Variants in SLC25A46 observed in about 807,000 individuals in gnomAD.
SLC25A46 encodes mitochondrial outer membrane protein SLC25A46.
A neutral mutation model predicts 44.6 loss-of-function variants in SLC25A46; 39 were observed. That is an observed-to-expected ratio of 0.87 (90% CI 0.68 to 1.14). SLC25A46 has a LOEUF of 1.14. Ranked by LOEUF, SLC25A46 falls within the 50% of genes most tolerant of loss-of-function variation. The probability of loss-of-function intolerance (pLI) is 0.00; values close to 1 mark genes in which losing one functional copy is unlikely to be tolerated. For missense variants in SLC25A46, 547 were observed against 522.7 expected, an observed-to-expected ratio of 1.05 and a Z score of -0.45; for synonymous variants, 202 against 185.8, an observed-to-expected ratio of 1.09 and a Z score of -0.71.
At chr5:110,750,735 G>A (rs918759315) in intron 5 of SLC25A46, among the ~76,000 whole-genome samples, 5 of 152,050 alleles carry the variant, frequency 3.3e-5, no homozygotes, top group East Asian at 1.9e-4. Context: ...TTGTAAATCC[G>A]TAGTTGCCTG....
At position 110,761,380 on chromosome 5, in the gene SLC25A46, T is replaced by G. The variant is rs1561609778; in HGVS notation, c.855T>G (p.Phe285Leu). The change falls in exon 8 of 8, where the codon TTT (phenylalanine) becomes TTG (leucine). Residue 285 changes from phenylalanine (F) to leucine (L), a missense_variant. Phe to Leu is a conservative substitution (Grantham distance 22). Coordinates refer to ENST00000355943, the MANE Select transcript of SLC25A46 (RefSeq NM_138773.4). This position sits in a 1 kb window ranked among gnomAD's most constrained non-coding sequence, Gnocchi z 5.3. ...HYIISSVIQK[F>L]VLLILKRKTY... is the part of the protein sequence containing the mutation. ...TCATCAGCTCAGTTATTCAGAAGTT[T>G]GTCCTACTAATTCTAAAGAGAAAGA... 6.2e-7 allele frequency: 1 copy of G among 1,613,802 alleles called. No homozygotes were observed. Among genetic ancestry groups the G allele is most frequent in the East Asian group, 2.2e-5 (1 of 44,866 alleles).
intron 5 of SLC25A46, chr5:110,754,282 T>C (rs1161998372): frequency 6.7e-6 from 1 of 149,906 alleles, no homozygotes; most frequent in African/African-American, 2.4e-5. Context: ...TGGTAGCAAG[T>C]CTTATCTTTA....
chr5:110,761,441 GTGCAGAGTATGT>G lies in SLC25A46; in HGVS notation c.919_930del (p.Gln307_Leu310del). On this transcript the variant is annotated inframe_deletion, in exon 8 of 8. Coordinates refer to ENST00000355943, the MANE Select transcript of SLC25A46 (RefSeq NM_138773.4). This position sits in a 1 kb window ranked among gnomAD's most constrained non-coding sequence, Gnocchi z 5.3. Reference sequence around the variant, plus strand: ...CCACCTAGCTGAGAGCACTAGCCCTGTGCAGAGTATGTTGGATGCTTATTTTCCAGAACTTAT... The same window carrying G: ...CCACCTAGCTGAGAGCACTAGCCCTGTGGATGCTTATTTTCCAGAACTTAT... 6.2e-7 allele frequency: 1 copy of G among 1,613,748 alleles called. No individual in the cohort carries two copies. Among genetic ancestry groups the G allele is most frequent in the Admixed American group, 1.7e-5 (1 of 59,978 alleles).
chr5:110,759,128 C>G (rs973300935), intron 7 of SLC25A46, among the ~76,000 whole-genome samples: 42 of 152,198 alleles, frequency 2.8e-4, no homozygotes, highest in African/African-American at 9.4e-4. Flanking sequence ...GCTCTGTTCT[C>G]ATAGCACTTA....
intron 7 of SLC25A46, among the ~76,000 whole-genome samples, chr5:110,760,592 T>C (rs1265920088): frequency 6.6e-6 from 1 of 152,158 alleles, no homozygotes; most frequent in Non-Finnish European, 1.5e-5. Flanking sequence ...TTCTTTTCTA[T>C]CTATCTATAC....
At chr5:110,760,977 G>A (rs1424697223) in intron 7 of SLC25A46, among the ~76,000 whole-genome samples, 2 of 151,934 alleles carry the variant, frequency 1.3e-5, no homozygotes, top group East Asian at 3.9e-4. Context: ...CATCTCCCCA[G>A]TCTCCCTACC....
At chr5:110,754,096 A>T (rs17132339) in intron 5 of SLC25A46, 22,758 of 152,058 alleles carry the variant, frequency 0.15, 2,193 homozygotes, top group African/African-American at 0.26. Flanking sequence ...TCGGCCCAGA[A>T]GGTGCTCTAA....
intron 6 of SLC25A46, chr5:110,756,021 T>G (rs1371684024): frequency 6.6e-6 from 1 of 152,268 alleles, no homozygotes; most frequent in Non-Finnish European, 1.5e-5. Flanking sequence ...TCCCCCAGCT[T>G]GCTGGCTCCC....
chr5:110,756,591 G>C lies in SLC25A46; in HGVS notation c.621-111G>C, dbSNP rs1800118940. On this transcript the variant is annotated intron_variant, in intron 6 of 7. Coordinates refer to ENST00000355943, the MANE Select transcript of SLC25A46 (RefSeq NM_138773.4). ...TATTAATAGTTGAAAACCTTAAAAA[G>C]ATTATTCTAGCTTGACTATAAATTA... is the stretch of plus-strand genomic sequence containing the variant. 3 of 663,494 alleles carry C rather than the reference G, an allele frequency of 4.5e-6. No individual in the cohort carries two copies. The Admixed American group carries it at 1.0e-4, about 23-fold the overall frequency. The allele number at this position is 663,494 out of a possible 1,614,324, so 41.1% of individuals were successfully genotyped here.
Position 110,764,971 on chromosome 5 carries a change from A to G in SLC25A46, c.*3189A>G, listed in dbSNP as rs1412484640. ...TCTTACTCTTGAGTCATTTAGTATCATTGATATGGTACCAAGTTGTATAGC... is the reference window on the plus strand; with the variant it reads ...TCTTACTCTTGAGTCATTTAGTATCGTTGATATGGTACCAAGTTGTATAGC... On this transcript the variant is annotated 3_prime_UTR_variant, in exon 8 of 8. Transcript: ENST00000355943. The G allele has an allele frequency of 2.0e-5, 3 of 151,862 alleles. No individual in the cohort carries two copies. In the East Asian group the frequency reaches 5.8e-4, roughly 29 times the overall value. The allele number at this position is 151,862 out of a possible 1,614,324, so 9.4% of individuals were successfully genotyped here.
chr5:110,739,125 T>A lies in SLC25A46; in HGVS notation c.6T>A (p.His2Gln). ...GTCATCCTGCCCCCGCTGCGATGCA[T>A]CCGCGGCGCCCGGACGGATTTGATG... M[H>Q]PRRPDGFDGL... Residue 2 changes from histidine (H) to glutamine (Q), a missense_variant, in exon 1 of 8, where the codon CAT becomes CAA. By Grantham distance (24) the His-to-Gln change is conservative. Coordinates refer to ENST00000355943, the MANE Select transcript of SLC25A46 (RefSeq NM_138773.4). 2 of 1,547,320 alleles carry A rather than the reference T, an allele frequency of 1.3e-6. No individual in the cohort carries two copies. The highest frequency in any genetic ancestry group is 2.7e-5 in the African/African-American group (2 of 73,028).
At position 110,742,091 on chromosome 5, in the gene SLC25A46, T is replaced by C; in HGVS notation, c.326+2T>C. 1 of 1,563,022 alleles carries C rather than the reference T, an allele frequency of 6.4e-7. No individual in the cohort carries two copies. Among genetic ancestry groups the C allele is most frequent in the East Asian group, 2.3e-5 (1 of 43,016 alleles). On this transcript the variant is annotated splice_donor_variant, in intron 2 of 7. Coordinates refer to ENST00000355943, the MANE Select transcript of SLC25A46 (RefSeq NM_138773.4). LOFTEE classifies it high-confidence loss of function. Reference sequence around the variant, plus strand: ...TGGATTTGGTATTGGACTTGCAAGGTAATGTTTTATCTAAAGACGTTTACA... The same window carrying C: ...TGGATTTGGTATTGGACTTGCAAGGCAATGTTTTATCTAAAGACGTTTACA...
In SLC25A46 at chr5:110,755,645, AC is replaced by A. The variant is rs1277123336; in HGVS notation, c.620+125del. 3 of 539,792 alleles carry A rather than the reference AC, an allele frequency of 5.6e-6. No homozygotes were observed. The African/African-American group carries it at 5.9e-5, about 11-fold the overall frequency. 33.4% of individuals were successfully genotyped at this position (539,792 alleles called of 1,614,324 possible). A position where few individuals can be genotyped will look rare whatever the true frequency, so the allele number is the denominator to read the frequency against. On this transcript the variant is annotated intron_variant, in intron 6 of 7. Transcript: ENST00000355943. ...ATTAGAGCAGTGAAATGTTGGTGGG[AC>A]TATAACTTCAAAGGACAAAGTAACA... is the stretch of plus-strand genomic sequence containing the variant.
rs147404304 is a variant in SLC25A46, at chr5:110,746,579, A to C, written c.462+233A>C. Among the ~76,000 whole-genome samples the C allele has an allele frequency of 5.3e-5, 8 of 152,350 alleles. No individual in the cohort carries two copies. In the East Asian group the frequency reaches 1.3e-3, roughly 26 times the overall value. On this transcript the variant is annotated intron_variant, in intron 4 of 7. Coordinates refer to ENST00000355943, the MANE Select transcript of SLC25A46 (RefSeq NM_138773.4). The stretch of plus-strand genomic sequence containing the variant: ...GCTGTGCTAAGATGATGTCTCTGCT[A>C]TCAAGAGGCTCATATTTATTCATGG...
rs763521216 is a variant in SLC25A46, at chr5:110,756,779, C to T, written c.678+20C>T. On this transcript the variant is annotated intron_variant, in intron 7 of 7. Transcript: ENST00000355943. Reference sequence around the variant, plus strand: ...GTGCAGGTGAGCTTTTTTTTACTGTCATTTTTTTTTTATTTAAGAATAGTT... The same window carrying T: ...GTGCAGGTGAGCTTTTTTTTACTGTTATTTTTTTTTTATTTAAGAATAGTT... 16 of 1,486,332 alleles carry T rather than the reference C, an allele frequency of 1.1e-5. No individual in the cohort carries two copies. Among genetic ancestry groups the T allele is most frequent in the South Asian group, 7.3e-5 (5 of 68,152 alleles). The allele number at this position is 1,486,332 out of a possible 1,614,324, so 92.1% of individuals were successfully genotyped here. A position where few individuals can be genotyped will look rare whatever the true frequency, so the allele number is the denominator to read the frequency against.
intron 1 of SLC25A46, among the ~76,000 whole-genome samples, chr5:110,740,675 G>A (rs1799646913): frequency 6.6e-6 from 1 of 152,190 alleles, no homozygotes; most frequent in African/African-American, 2.4e-5. Context: ...GGTAAGGCCG[G>A]GCGTGGTGGC....
chr5:110,739,518 G>T, intron 1 of SLC25A46, 116 bp downstream of exon 1: 2 of 1,378,792 alleles, frequency 1.5e-6, no homozygotes, highest in African/African-American at 1.5e-5. Flanking sequence ...TCATCCTATC[G>T]CGCGCCACAC....
chr5:110,750,048 G>C (rs1005594135), intron 5 of SLC25A46, among the ~76,000 whole-genome samples: 1 of 152,072 alleles, frequency 6.6e-6, no homozygotes, highest in South Asian at 2.1e-4. Flanking sequence ...AGCTACTAGT[G>C]TAACGCATAT....
intron 3 of SLC25A46, among the ~76,000 whole-genome samples, chr5:110,744,866 C>T (rs1462170369): frequency 1.3e-5 from 2 of 152,160 alleles, no homozygotes; most frequent in African/African-American, 2.4e-5. Context: ...AGCAATCTTA[C>T]TTCCTTATGT....
Sources: allele counts gnomAD v4.1 joint callset (sites outside exome capture counted in the v4.1 genomes callset), GRCh38; gene constraint gnomAD v4.1.1; non-coding constraint Gnocchi (gnomAD v3.1); transcripts MANE v1.5; gene names NCBI Gene and HGNC (gene_info 2026-07-23, HGNC 2026-07-21).